The following TMTC2 variants were observed in gnomAD, a reference collection of about 807,000 sequenced individuals.
TMTC2 encodes the protein protein O-mannosyl-transferase TMTC2.
A neutral mutation model predicts 82.4 loss-of-function variants in TMTC2; 43 were observed. The ratio of observed to expected loss-of-function variants is 0.52; its 90% CI spans 0.41 to 0.67. TMTC2 has a LOEUF of 0.67. Among genes scored for constraint, TMTC2 ranks in the 30% least tolerant of loss-of-function variants. The pLI is 0.00. For missense variants in TMTC2, 919 were observed against 1,012.4 expected (o/e 0.91, Z 1.25); for synonymous variants, 408 against 381.9 (o/e 1.07, Z -0.80).
intron 3 of TMTC2, among the ~76,000 whole-genome samples, chr12:82,929,259 G>T (rs763453303): frequency 6.6e-6 from 1 of 151,898 alleles, no homozygotes; most frequent in Non-Finnish European, 1.5e-5. Flanking sequence ...TCACCATGTT[G>T]CCCAGGCTGG....
intron 1 of TMTC2, among the ~76,000 whole-genome samples, chr12:82,821,409 A>G (rs1869102206): frequency 6.6e-6 from 1 of 152,204 alleles, no homozygotes; most frequent in South Asian, 2.1e-4. Context: ...CATGTTGGTA[A>G]TGACTAATGA....
chr12:82,968,805 TGGG>T (rs1344442222), intron 7 of TMTC2, among the ~76,000 whole-genome samples: 4 of 152,112 alleles, frequency 2.6e-5, no homozygotes, highest in Non-Finnish European at 4.4e-5. Flanking sequence ...AGTGTGTCCC[TGGG>T]GGTTATTGCT....
chr12:83,058,069 C>G (rs1882610207), intron 10 of TMTC2, among the ~76,000 whole-genome samples: 1 of 151,682 alleles, frequency 6.6e-6, no homozygotes, highest in Non-Finnish European at 1.5e-5. Flanking sequence ...TTACATCTTT[C>G]TTTATAAGAC....
At chr12:82,887,891 C>A (rs764282453) in intron 2 of TMTC2, among the ~76,000 whole-genome samples, 29 of 151,980 alleles carry the variant, frequency 1.9e-4, no homozygotes, top group Non-Finnish European at 3.7e-4. Context: ...ACCAGCCTGA[C>A]CAACATGGAG....
At chr12:82,823,930 A>G (rs567735452) in intron 1 of TMTC2, among the ~76,000 whole-genome samples, 31 of 138,880 alleles carry the variant, frequency 2.2e-4, no homozygotes, top group African/African-American at 7.2e-4. Flanking sequence ...GTCTCGCTCT[A>G]TCACCCATGC....
Position 83,133,610 on chromosome 12 carries a change from C to T in TMTC2, c.*1221C>T, listed in dbSNP as rs78421518. On this transcript the variant is annotated 3_prime_UTR_variant, in exon 12 of 12. Coordinates refer to ENST00000321196, the MANE Select transcript of TMTC2 (RefSeq NM_152588.3). ...TCAGTTGAAAACTATTTTTCACTAG[C>T]AAAATTGGTATTTTATTTCATTACC... 6.6e-6 allele frequency: 1 copy of T among 152,124 alleles called. No individual in the cohort carries two copies. The highest frequency in any genetic ancestry group is 1.5e-5 in the Non-Finnish European group (1 of 68,020). 9.4% of individuals were successfully genotyped at this position (152,124 alleles called of 1,614,324 possible).
At chr12:82,719,183 T>G (rs1874070640) in intron 1 of TMTC2, among the ~76,000 whole-genome samples, 1 of 137,152 alleles carries the variant, frequency 7.3e-6, no homozygotes, top group Non-Finnish European at 1.5e-5. Context: ...AACCTCTGCC[T>G]CCCAGATTCA....
At chr12:82,708,387 C>T (rs1565716376) in intron 1 of TMTC2, among the ~76,000 whole-genome samples, 1 of 152,104 alleles carries the variant, frequency 6.6e-6, no homozygotes, top group Non-Finnish European at 1.5e-5. Flanking sequence ...TACAGACTTC[C>T]CTTTCCCTGA....
intron 4 of TMTC2, among the ~76,000 whole-genome samples, chr12:82,931,693 T>C (rs1195386635): frequency 6.6e-6 from 1 of 152,190 alleles, no homozygotes; most frequent in Admixed American, 6.5e-5. Context: ...CTCTGGTTTC[T>C]TCTGGGTTTG....
chr12:83,074,286 T>C (rs1883213902), intron 11 of TMTC2, among the ~76,000 whole-genome samples: 1 of 152,206 alleles, frequency 6.6e-6, no homozygotes, highest in South Asian at 2.1e-4. Context: ...GGCTCCGTGC[T>C]GGTACTGGGG....
At chr12:83,104,126 G>A (rs908975927) in intron 11 of TMTC2, among the ~76,000 whole-genome samples, 1 of 152,202 alleles carries the variant, frequency 6.6e-6, no homozygotes, top group African/African-American at 2.4e-5. Flanking sequence ...AAGGCCTTGT[G>A]CAGCTCTGCC....
At chr12:82,861,629 T>A (rs1312325865) in intron 2 of TMTC2, among the ~76,000 whole-genome samples, 2 of 152,246 alleles carry the variant, frequency 1.3e-5, no homozygotes, top group Non-Finnish European at 2.9e-5. Flanking sequence ...CCAAGCACTA[T>A]TCTTAGTGTG....
chr12:82,701,646 A>G (rs1408538309), intron 1 of TMTC2, among the ~76,000 whole-genome samples: 1 of 150,382 alleles, frequency 6.6e-6, no homozygotes, highest in East Asian at 2.0e-4. Context: ...CTGTAACCCC[A>G]GCTACTCGGA....
chr12:82,795,163 G>T (rs1878656053), intron 1 of TMTC2, among the ~76,000 whole-genome samples: 1 of 151,740 alleles, frequency 6.6e-6, no homozygotes, highest in Admixed American at 6.6e-5. Flanking sequence ...AAATTAGCTG[G>T]GCTTGGTGGC....
At chr12:82,879,626 C>G (rs1292759923) in intron 2 of TMTC2, among the ~76,000 whole-genome samples, 1 of 152,196 alleles carries the variant, frequency 6.6e-6, no homozygotes, top group Non-Finnish European at 1.5e-5. Context: ...GATTTATAAT[C>G]AAAGGACATA....
chr12:82,910,949 T>C lies in TMTC2; in HGVS notation c.1483+14303T>C, dbSNP rs528126105. Among the ~76,000 whole-genome samples the C allele has an allele frequency of 3.9e-3, 592 of 151,956 alleles. 11 individuals carry two copies. The South Asian group carries it at 0.041, about 11-fold the overall frequency. ...AGGCTGGAGTGCAGTGGTGTGATCT[T>C]GGCTCACTGCAACCTCCACCACCCG... is the stretch of plus-strand genomic sequence containing the variant. On this transcript the variant is annotated intron_variant, in intron 3 of 11. Transcript: ENST00000321196.
intron 11 of TMTC2, among the ~76,000 whole-genome samples, chr12:83,101,356 G>A (rs73368051): frequency 0.027 from 4,185 of 152,230 alleles, 198 homozygotes; most frequent in African/African-American, 0.093. Flanking sequence ...AACTGAGAAT[G>A]ATTTCATAGA....
At chr12:83,095,488 C>T (rs961017293) in intron 11 of TMTC2, among the ~76,000 whole-genome samples, 2 of 152,086 alleles carry the variant, frequency 1.3e-5, no homozygotes, top group African/African-American at 2.4e-5. Context: ...GATCCACCCG[C>T]CTCGGCCTCC....
chr12:82,777,620 A>G (rs925497164), intron 1 of TMTC2, among the ~76,000 whole-genome samples: 29 of 152,142 alleles, frequency 1.9e-4, no homozygotes, highest in African/African-American at 7.0e-4. Flanking sequence ...TCCCAATAAA[A>G]TGTTCTGGAG....
Sources: gnomAD v4.1 joint callset for allele counts (sites outside exome capture counted in the v4.1 genomes callset) on GRCh38, gnomAD v4.1.1 for gene constraint, MANE v1.5 for transcripts, NCBI Gene and HGNC (gene_info 2026-07-23, HGNC 2026-07-21) for gene names.